Variants in PAN3 observed in about 807,000 individuals in gnomAD.
PAN3 encodes the protein poly(A) specific ribonuclease subunit PAN3.
In PAN3, 19 loss-of-function variants were observed where a neutral mutation model predicts 96.2. That is an observed-to-expected ratio of 0.20 (90% confidence interval 0.14 to 0.29). The LOEUF is 0.29. Among genes scored for constraint, PAN3 ranks in the 10% least tolerant of loss-of-function variants. The probability of loss-of-function intolerance (pLI) is 1.00; values close to 1 mark genes in which losing one functional copy is unlikely to be tolerated. For synonymous variants in PAN3, 433 were observed against 406.6 expected (o/e 1.06, Z -0.78); for missense variants, 882 against 1,108.1 (o/e 0.80, Z 2.90).
rs150754081 is a variant in PAN3, at chr13:28,180,728, T to C, written c.690+2793T>C. ...TTTCTGAAAATCTCAGTTGGGCCAG[T>C]CTCTGAGCCAGATATGCTAACTTTT... On this transcript the variant is annotated intron_variant, in intron 4 of 18. Coordinates refer to ENST00000380958, the MANE Select transcript of PAN3 (RefSeq NM_175854.8). Among the ~76,000 whole-genome samples the C allele has an allele frequency of 2.5e-3, 378 of 152,338 alleles. 2 individuals are homozygous for C. Among genetic ancestry groups the C allele is most frequent in the African/African-American group, 7.9e-3 (329 of 41,576 alleles).
intron 5 of PAN3, among the ~76,000 whole-genome samples, chr13:28,218,848 C>T (rs1016974477): frequency 1.3e-5 from 2 of 152,190 alleles, no homozygotes; most frequent in South Asian, 2.1e-4. Flanking sequence ...TTGCTGTCTC[C>T]TGGTAATCTT....
intron 6 of PAN3, among the ~76,000 whole-genome samples, chr13:28,236,161 A>G (rs533143507): frequency 2.0e-5 from 3 of 152,338 alleles, no homozygotes; most frequent in African/African-American, 7.2e-5. Flanking sequence ...TAAGCATTTT[A>G]ATGAGCTTTA....
chr13:28,234,633 T>C (rs944929941), intron 6 of PAN3, among the ~76,000 whole-genome samples: 4 of 152,206 alleles, frequency 2.6e-5, no homozygotes, highest in African/African-American at 9.6e-5. Flanking sequence ...TTTTAGAATT[T>C]ATTAACTCTT....
chr13:28,145,755 T>A (rs1870540124), intron 1 of PAN3, among the ~76,000 whole-genome samples: 1 of 147,820 alleles, frequency 6.8e-6, no homozygotes, highest in Non-Finnish European at 1.5e-5. Context: ...CGTGCCAAGC[T>A]AATTTTTTTT....
At chr13:28,265,525 A>C (rs1285893715) in intron 9 of PAN3, among the ~76,000 whole-genome samples, 9 of 152,178 alleles carry the variant, frequency 5.9e-5, no homozygotes, top group Non-Finnish European at 1.2e-4. Flanking sequence ...AATCCTTATT[A>C]TCCTCATTTA....
intron 4 of PAN3, among the ~76,000 whole-genome samples, chr13:28,187,544 A>G (rs375748869): frequency 1.3e-5 from 2 of 152,094 alleles, no homozygotes; most frequent in African/African-American, 2.4e-5. Flanking sequence ...CCTTTGTAAC[A>G]CTGAGATTTT....
intron 6 of PAN3, among the ~76,000 whole-genome samples, chr13:28,239,173 ACACACACACACACACGCATG>A (rs1238727565): frequency 1.1e-5 from 1 of 93,892 alleles, no homozygotes; most frequent in Non-Finnish European, 1.9e-5. Flanking sequence ...ACACACACAC[ACACACACACACACACGCATG>A]CACACACGCA....
chr13:28,146,166 G>T (rs913582404), intron 1 of PAN3, among the ~76,000 whole-genome samples: 3 of 151,372 alleles, frequency 2.0e-5, no homozygotes, highest in Non-Finnish European at 4.4e-5. Context: ...ATTGTCCAGG[G>T]TTAATCATTA....
intron 7 of PAN3, among the ~76,000 whole-genome samples, chr13:28,258,079 A>T (rs2138600068): frequency 6.6e-6 from 1 of 152,188 alleles, no homozygotes; most frequent in South Asian, 2.1e-4. Context: ...TTGGCCTCTG[A>T]AGTGCCGGGA....
At position 28,138,943 on chromosome 13, in the gene PAN3, G is replaced by T; in HGVS notation, c.286G>T (p.Ala96Ser). ...VPLALAGAPV[A>S]GFPPGAVAGG... Reference sequence around the variant, plus strand: ...CCTGGCTCTGGCTGGTGCACCCGTGGCCGGCTTTCCGCCGGGAGCCGTCGC... The same window carrying T: ...CCTGGCTCTGGCTGGTGCACCCGTGTCCGGCTTTCCGCCGGGAGCCGTCGC... The change falls in exon 1 of 19, where the codon GCC becomes TCC. Residue 96 changes from alanine (A) to serine (S), a missense_variant. Transcript: ENST00000380958. 2 of 1,330,374 alleles carry T rather than the reference G, an allele frequency of 1.5e-6. No individual in the cohort carries two copies. The highest frequency in any genetic ancestry group is 1.9e-6 in the Non-Finnish European group (2 of 1,041,912). The allele number at this position is 1,330,374 out of a possible 1,614,324, so 82.4% of individuals were successfully genotyped here. A position where few individuals can be genotyped will look rare whatever the true frequency, so the allele number is the denominator to read the frequency against.
chr13:28,153,102 C>T (rs774924762), intron 1 of PAN3, among the ~76,000 whole-genome samples: 2 of 151,884 alleles, frequency 1.3e-5, no homozygotes, highest in Non-Finnish European at 2.9e-5. Context: ...GTGAAATTCC[C>T]GTTAGTAAGG....
intron 18 of PAN3, among the ~76,000 whole-genome samples, chr13:28,291,620 A>G (rs1869757077): frequency 6.6e-6 from 1 of 152,208 alleles, no homozygotes. Context: ...GCCTGAGGTC[A>G]GGAGTTCGAG....
chr13:28,152,352 G>A (rs1041468836), intron 1 of PAN3, among the ~76,000 whole-genome samples: 4 of 152,110 alleles, frequency 2.6e-5, no homozygotes, highest in African/African-American at 4.8e-5. Context: ...GGGAAGGTGA[G>A]GGGGGTGGAT....
At chr13:28,203,822 T>TG (rs1363370832) in intron 5 of PAN3, among the ~76,000 whole-genome samples, 1 of 151,088 alleles carries the variant, frequency 6.6e-6, no homozygotes, top group Non-Finnish European at 1.5e-5. Context: ...TTTTTTTTTT[T>TG]GAGACGGAGT....
At chr13:28,175,474 G>C (rs1015491015) in intron 2 of PAN3, among the ~76,000 whole-genome samples, 1 of 152,118 alleles carries the variant, frequency 6.6e-6, no homozygotes, top group African/African-American at 2.4e-5. Flanking sequence ...TCAAACTCCT[G>C]GTCTCAAGTG....
At chr13:28,213,617 A>T (rs1220772100) in intron 5 of PAN3, among the ~76,000 whole-genome samples, 2 of 150,540 alleles carry the variant, frequency 1.3e-5, no homozygotes, top group Admixed American at 1.3e-4. Flanking sequence ...GTTATGTAAG[A>T]TGTTACCTGC....
rs1870171657 is a variant in PAN3, at chr13:28,295,170, T to G, written c.*2648T>G. The G allele has an allele frequency of 6.6e-6, 1 of 152,206 alleles. No individual in the cohort carries two copies. Among genetic ancestry groups the G allele is most frequent in the South Asian group, 2.1e-4 (1 of 4,838 alleles). 9.4% of individuals were successfully genotyped at this position (152,206 alleles called of 1,614,324 possible). A position where few individuals can be genotyped will look rare whatever the true frequency, so the allele number is the denominator to read the frequency against. On this transcript the variant is annotated 3_prime_UTR_variant, in exon 19 of 19. Coordinates refer to ENST00000380958, the MANE Select transcript of PAN3 (RefSeq NM_175854.8). ...AATATTTTTGAGGGTACCTTTGTAT[T>G]TTGCTTTTGACCTTGGTTCTGTGAT...
intron 6 of PAN3, among the ~76,000 whole-genome samples, chr13:28,235,256 C>G (rs777258088): frequency 4.6e-5 from 7 of 152,170 alleles, no homozygotes; most frequent in Non-Finnish European, 1.0e-4. Flanking sequence ...AGGCCTTTGA[C>G]AATGTAAAGG....
intron 1 of PAN3, among the ~76,000 whole-genome samples, chr13:28,169,162 A>G (rs550712716): frequency 3.3e-5 from 5 of 151,262 alleles, no homozygotes; most frequent in African/African-American, 9.7e-5. Flanking sequence ...CATATCTTAC[A>G]CTTAAGTAAT....
Sources: allele counts gnomAD v4.1 joint callset (sites outside exome capture counted in the v4.1 genomes callset), GRCh38; gene constraint gnomAD v4.1.1; transcripts MANE v1.5; gene names NCBI Gene and HGNC (gene_info 2026-07-23, HGNC 2026-07-21).